BAZ2B: variants seen among roughly 807,000 people sequenced by gnomAD.
BAZ2B encodes bromodomain adjacent to zinc finger domain 2B.
In BAZ2B, 91 loss-of-function variants were observed where a neutral mutation model predicts 246.0. That is an observed-to-expected ratio of 0.37 (90% CI 0.31 to 0.44). The LOEUF is 0.44. BAZ2B is among the 20% of genes least tolerant of loss of function. The pLI is 1.00. For synonymous variants in BAZ2B, 855 were observed against 860.0 expected, an observed-to-expected ratio of 0.99 and a Z score of 0.10; for missense variants, 2,332 against 2,533.7, an observed-to-expected ratio of 0.92 and a Z score of 1.71.
intron 18 of BAZ2B, 117 bp downstream of exon 18, chr2:159,398,712 A>G: frequency 1.1e-6 from 1 of 894,354 alleles, no homozygotes; most frequent in Non-Finnish European, 1.7e-6. Flanking sequence ...AGTATCTGCT[A>G]AACATATTTT....
the BAZ2B span, among the ~76,000 whole-genome samples, chr2:159,621,799 A>G: frequency 1.3e-5 from 2 of 151,604 alleles, no homozygotes; most frequent in Non-Finnish European, 2.9e-5. Flanking sequence ...TCCTGTCTCT[A>G]CAAAAAAAAT....
chr2:159,666,313 G>A, the BAZ2B span, among the ~76,000 whole-genome samples: 1 of 139,692 alleles, frequency 7.2e-6, no homozygotes, highest in East Asian at 2.1e-4. Flanking sequence ...AGGCTAGAGT[G>A]CAATGGCCCA....
intron 27 of BAZ2B, among the ~76,000 whole-genome samples, chr2:159,369,245 TAAAC>T (rs2060558974): frequency 6.6e-6 from 1 of 152,150 alleles, no homozygotes; most frequent in Admixed American, 6.5e-5. Flanking sequence ...ATTATTATAA[TAAAC>T]AAGATTTGGC....
rs1684390740 is a variant in BAZ2B, at chr2:159,572,981, A to G, written c.-45-17116T>C. Among the ~76,000 whole-genome samples, 3 of 152,150 alleles carry G rather than the reference A, an allele frequency of 2.0e-5. No homozygotes were observed. The South Asian group carries it at 6.2e-4, about 32-fold the overall frequency. On this transcript the variant is annotated intron_variant, in intron 1 of 36. Transcript: ENST00000392783. ...GCTTAGAAGATGAGAAGTGCTCACT[A>G]CCTGCTGGAAAATAAAAAGAAATAT...
At chr2:159,395,943 T>C in intron 19 of BAZ2B, 109 bp from the exon 20 acceptor site, 2 of 891,532 alleles carry the variant, frequency 2.2e-6, no homozygotes, top group Non-Finnish European at 3.4e-6. Flanking sequence ...ATAGCATGTT[T>C]AGCATTTATA....
intron 27 of BAZ2B, among the ~76,000 whole-genome samples, chr2:159,355,648 A>G (rs1020790893): frequency 6.6e-6 from 1 of 152,130 alleles, no homozygotes; most frequent in Admixed American, 6.5e-5. Context: ...ATTATCTATA[A>G]CCTAACATAT....
At chr2:159,489,425 C>T (rs937752410) in intron 2 of BAZ2B, among the ~76,000 whole-genome samples, 7 of 151,918 alleles carry the variant, frequency 4.6e-5, no homozygotes, top group African/African-American at 1.7e-4. Flanking sequence ...ACCTGTGAGA[C>T]GATAACAAAA....
chr2:159,529,435 T>C (rs959656858), intron 2 of BAZ2B, among the ~76,000 whole-genome samples: 1 of 152,246 alleles, frequency 6.6e-6, no homozygotes, highest in African/African-American at 2.4e-5. Context: ...TCTTGGAATA[T>C]GCAAAGCACA....
intron 6 of BAZ2B, among the ~76,000 whole-genome samples, chr2:159,445,083 T>C (rs769660354): frequency 2.6e-5 from 4 of 152,160 alleles, no homozygotes; most frequent in Non-Finnish European, 5.9e-5. Context: ...TTTTATAAAA[T>C]TGAGATGTCA....
the BAZ2B span, among the ~76,000 whole-genome samples, chr2:159,650,365 T>C: frequency 3.9e-5 from 6 of 152,220 alleles, no homozygotes; most frequent in South Asian, 1.2e-3. Flanking sequence ...TCCTTTCAGG[T>C]CTTGCTTTTA....
chr2:159,447,501 T>C (rs1205093155), intron 5 of BAZ2B, among the ~76,000 whole-genome samples: 1 of 152,238 alleles, frequency 6.6e-6, no homozygotes, highest in Non-Finnish European at 1.5e-5. Context: ...TTTCAAATTA[T>C]ATTCTAACAA....
At chr2:159,490,851 C>T (rs937585248) in intron 2 of BAZ2B, among the ~76,000 whole-genome samples, 4 of 152,260 alleles carry the variant, frequency 2.6e-5, no homozygotes, top group Admixed American at 6.5e-5. Context: ...TCTGGAGCTC[C>T]AGCATGCATC....
intron 1 of BAZ2B, among the ~76,000 whole-genome samples, chr2:159,598,697 C>G (rs1423146513): frequency 6.6e-6 from 1 of 151,924 alleles, no homozygotes; most frequent in Non-Finnish European, 1.5e-5. Flanking sequence ...GAAGCCCTGT[C>G]TCTACTAAAA....
intron 3 of BAZ2B, among the ~76,000 whole-genome samples, chr2:159,465,339 A>T (rs2076910330): frequency 6.6e-6 from 1 of 152,208 alleles, no homozygotes; most frequent in African/African-American, 2.4e-5. Flanking sequence ...TTAGCTCTGT[A>T]AGGTATCTAT....
In BAZ2B at chr2:159,450,748, T is replaced by A. The variant is rs1035780605; in HGVS notation, c.335-2339A>T. Reference sequence around the variant, plus strand: ...TAGTAGCAACATTTAACTCTTTTTTTTTTTTTTTTGAGACAGAATTGTGCT... The same window carrying A: ...TAGTAGCAACATTTAACTCTTTTTTATTTTTTTTTGAGACAGAATTGTGCT... On this transcript the variant is annotated intron_variant, in intron 4 of 36. Transcript: ENST00000392783. 3.9e-5 allele frequency among the ~76,000 whole-genome samples: 6 copies of A among 152,012 alleles called. No individual in the cohort carries two copies. The East Asian group carries it at 1.2e-3, about 29-fold the overall frequency.
intron 31 of BAZ2B, among the ~76,000 whole-genome samples, chr2:159,341,843 C>T (rs542399957): frequency 6.6e-6 from 1 of 152,170 alleles, no homozygotes; most frequent in South Asian, 2.1e-4. Flanking sequence ...CACAACATTC[C>T]AAAATGTATG....
At chr2:159,359,382 C>A (rs1455307088) in intron 27 of BAZ2B, among the ~76,000 whole-genome samples, 1 of 152,040 alleles carries the variant, frequency 6.6e-6, no homozygotes, top group Non-Finnish European at 1.5e-5. Context: ...CCGGGACACA[C>A]ACACCCTCCC....
At chr2:159,425,641 T>C (rs2069686259) in intron 13 of BAZ2B, among the ~76,000 whole-genome samples, 2 of 152,244 alleles carry the variant, frequency 1.3e-5, no homozygotes, top group African/African-American at 4.8e-5. Context: ...TTTAAACATG[T>C]TTCATCATCA....
chr2:159,454,930 A>C (rs1428862999), intron 3 of BAZ2B, among the ~76,000 whole-genome samples: 4 of 152,162 alleles, frequency 2.6e-5, no homozygotes. Context: ...TATTTTTCAT[A>C]CTTTGTAGTA....
Sources: gnomAD v4.1 joint callset for allele counts (sites outside exome capture counted in the v4.1 genomes callset) on GRCh38, gnomAD v4.1.1 for gene constraint, MANE v1.5 for transcripts, NCBI Gene and HGNC (gene_info 2026-07-23, HGNC 2026-07-21) for gene names.